MAST4: variants seen among roughly 807,000 people sequenced by gnomAD.
MAST4 encodes microtubule associated serine/threonine kinase family member 4, also known as microtubule-associated serine/threonine-protein kinase 4.
Under a neutral mutation model 162.7 loss-of-function variants are expected in MAST4, and 89 were observed. That is an observed-to-expected ratio of 0.55 (90% CI 0.46 to 0.65). The LOEUF (loss-of-function observed/expected upper bound fraction) is 0.65. Ranked by LOEUF, MAST4 falls within the 30% of genes least tolerant of loss-of-function variation. MAST4 has a pLI of 0.00. For synonymous variants in MAST4, 1,479 were observed against 1,361.1 expected (o/e 1.09, Z -1.91); for missense variants, 3,153 against 3,374.0 (o/e 0.93, Z 1.62).
chr5:66,793,438 T>A (rs1406211157), intron 3 of MAST4, among the ~76,000 whole-genome samples: 1 of 152,208 alleles, frequency 6.6e-6, no homozygotes, highest in East Asian at 1.9e-4. Flanking sequence ...ATGGGTAGTT[T>A]ATCACAGAAG....
intron 3 of MAST4, among the ~76,000 whole-genome samples, chr5:66,833,522 T>A (rs1402324484): frequency 6.6e-6 from 1 of 152,168 alleles, no homozygotes; most frequent in Non-Finnish European, 1.5e-5. Flanking sequence ...TTAGCCACAG[T>A]CTTGCTTTCA....
chr5:66,913,852 ACAC>A (rs1763933371), intron 4 of MAST4, among the ~76,000 whole-genome samples: 3 of 152,210 alleles, frequency 2.0e-5, no homozygotes, highest in Non-Finnish European at 2.9e-5. Context: ...ATTTCTGCAT[ACAC>A]GTCTCTAATC....
rs1204508299 is a variant in MAST4, at chr5:67,163,402, A to G, written c.4223A>G (p.Lys1408Arg). The G allele has an allele frequency of 6.2e-7, 1 of 1,612,684 alleles. No individual in the cohort carries two copies. Among genetic ancestry groups the G allele is most frequent in the East Asian group, 2.2e-5 (1 of 44,864 alleles). The change falls in exon 29 of 29, where the codon AAG (lysine) becomes AGG (arginine). Residue 1408 changes from lysine (K) to arginine (R), a missense_variant. By Grantham distance (26) the Lys-to-Arg change is conservative (BLOSUM62 2). This residue lies in a region of MAST4 where 619 missense variants were observed against 744.2 expected (regional missense o/e 0.83). Coordinates refer to ENST00000403625, the MANE Select transcript of MAST4 (RefSeq NM_001164664.2). The surrounding 1 kb of genome is among the most constrained non-coding windows in gnomAD (Gnocchi z 7.0). ...CTGGGACACTCACTGGGCAATTCCAAGATCGCGCAAGCCTTTCCCAGCAAG... is the reference window on the plus strand; with the variant it reads ...CTGGGACACTCACTGGGCAATTCCAGGATCGCGCAAGCCTTTCCCAGCAAG... The part of the protein sequence containing the change: ...PLLGHSLGNS[K>R]IAQAFPSKMH...
chr5:66,652,066 G>A (rs1746259689), intron 1 of MAST4, among the ~76,000 whole-genome samples: 1 of 152,216 alleles, frequency 6.6e-6, no homozygotes, highest in Non-Finnish European at 1.5e-5. Flanking sequence ...AATCTGAGGA[G>A]GTGGTGATTA....
intron 1 of MAST4, among the ~76,000 whole-genome samples, chr5:66,710,999 C>T (rs1410231051): frequency 2.0e-5 from 3 of 152,206 alleles, no homozygotes; most frequent in Non-Finnish European, 1.5e-5. Context: ...TCATCTCCTT[C>T]AAGTGAGTGC....
At chr5:66,971,579 G>C (rs115449075) in intron 4 of MAST4, among the ~76,000 whole-genome samples, 1,874 of 152,264 alleles carry the variant, frequency 0.012, 40 homozygotes, top group African/African-American at 0.043. Flanking sequence ...CAAGATGATT[G>C]ATTACTGTGT....
At chr5:66,818,386 A>C (rs1363175709) in intron 3 of MAST4, among the ~76,000 whole-genome samples, 1 of 151,582 alleles carries the variant, frequency 6.6e-6, no homozygotes, top group South Asian at 2.1e-4. Flanking sequence ...TTGATGCTTG[A>C]CTCTGTGGTT....
At chr5:66,745,725 T>C (rs2149581785) in intron 1 of MAST4, among the ~76,000 whole-genome samples, 1 of 152,330 alleles carries the variant, frequency 6.6e-6, no homozygotes, top group South Asian at 2.1e-4. Flanking sequence ...ACTTTTGCCA[T>C]GTTGTCTTAA....
At chr5:66,775,041 GTGTGTT>G (rs1754531544) in intron 2 of MAST4, among the ~76,000 whole-genome samples, 3 of 145,076 alleles carry the variant, frequency 2.1e-5, no homozygotes, top group Non-Finnish European at 4.6e-5. Context: ...GTGTGTATGT[GTGTGTT>G]TTCCCCCTGT....
intron 1 of MAST4, among the ~76,000 whole-genome samples, chr5:66,681,562 G>T (rs907472579): frequency 6.6e-6 from 1 of 152,226 alleles, no homozygotes; most frequent in East Asian, 1.9e-4. Flanking sequence ...TTTGAAAATT[G>T]TTGTCAGTAG....
At chr5:67,095,540 G>A in intron 6 of MAST4, 57 bp from the exon 7 acceptor site, 3 of 1,330,864 alleles carry the variant, frequency 2.3e-6, no homozygotes, top group South Asian at 1.3e-5. Context: ...GTTTCCCTGG[G>A]GTTCCCATGT....
At chr5:66,776,758 T>C (rs1754622259) in intron 2 of MAST4, among the ~76,000 whole-genome samples, 1 of 152,190 alleles carries the variant, frequency 6.6e-6, no homozygotes, top group South Asian at 2.1e-4. Flanking sequence ...GTGCTAGGTG[T>C]GACGTGGGGC....
intron 6 of MAST4, among the ~76,000 whole-genome samples, chr5:67,090,787 C>T (rs1046818034): frequency 2.6e-5 from 4 of 151,826 alleles, no homozygotes; most frequent in Non-Finnish European, 5.9e-5. Context: ...TGTCATGTCA[C>T]ACCATGTTCA....
At chr5:66,763,350 A>G (rs1753938318) in intron 2 of MAST4, among the ~76,000 whole-genome samples, 2 of 152,338 alleles carry the variant, frequency 1.3e-5, no homozygotes, top group South Asian at 4.1e-4. Flanking sequence ...AAAATAAAGT[A>G]AAACTAGGCA....
chr5:66,950,695 G>C (rs569086148), intron 4 of MAST4, among the ~76,000 whole-genome samples: 51 of 152,136 alleles, frequency 3.4e-4, no homozygotes, highest in African/African-American at 1.2e-3. Flanking sequence ...TCTGTTAATC[G>C]AAGCCTGGCT....
chr5:67,125,530 G>C (rs1362845114), intron 14 of MAST4, among the ~76,000 whole-genome samples: 2 of 152,018 alleles, frequency 1.3e-5, no homozygotes, highest in Non-Finnish European at 2.9e-5. Flanking sequence ...GTGTTAGTTT[G>C]CTGAGAATGA....
At chr5:67,142,049 T>C (rs959657455) in intron 19 of MAST4, 66 bp from the exon 20 acceptor site, 1 of 1,507,890 alleles carries the variant, frequency 6.6e-7, no homozygotes, top group African/African-American at 1.4e-5. Context: ...TAAAAACTGA[T>C]GTTTGCCTTT....
At chr5:66,631,469 A>G (rs934192679) in intron 1 of MAST4, among the ~76,000 whole-genome samples, 6 of 152,156 alleles carry the variant, frequency 3.9e-5, no homozygotes, top group African/African-American at 1.2e-4. Context: ...GGTAAGACAC[A>G]TATACACACG....
intron 1 of MAST4, among the ~76,000 whole-genome samples, chr5:66,663,148 T>G (rs930096579): frequency 1.3e-5 from 2 of 152,194 alleles, no homozygotes; most frequent in Non-Finnish European, 2.9e-5. Context: ...ATTGTGGGCT[T>G]TGCTTGCTGG....
Sources: gnomAD v4.1 joint callset for allele counts (sites outside exome capture counted in the v4.1 genomes callset) on GRCh38, gnomAD v4.1.1 for gene constraint, gnomAD v4.1.1 regional missense constraint, Gnocchi (gnomAD v3.1) non-coding constraint, MANE v1.5 for transcripts, NCBI Gene and HGNC (gene_info 2026-07-23, HGNC 2026-07-21) for gene names.